SLC6A16: variants seen among roughly 807,000 people sequenced by gnomAD.
SLC6A16 encodes the protein solute carrier family 6 member 16, also known as orphan sodium- and chloride-dependent neurotransmitter transporter NTT5.
A neutral mutation model predicts 65.4 loss-of-function variants in SLC6A16; 54 were observed. The ratio of observed to expected loss-of-function variants is 0.83; its 90% confidence interval spans 0.66 to 1.04. The LOEUF (loss-of-function observed/expected upper bound fraction) is 1.04, where lower values mean the gene tolerates loss of function less well. Among genes scored for constraint, SLC6A16 ranks in the 50% least tolerant of loss-of-function variants. The pLI, the probability that SLC6A16 is intolerant of heterozygous loss-of-function variation, is 0.00. For synonymous variants in SLC6A16, 330 were observed against 346.5 expected, an observed-to-expected ratio of 0.95 and a Z score of 0.53; for missense variants, 816 against 914.0, an observed-to-expected ratio of 0.89 and a Z score of 1.38.
chr19:49,339,747 C>G, the SLC6A16 span: 2 of 1,385,660 alleles, frequency 1.4e-6, no homozygotes, highest in Non-Finnish European at 1.9e-6. The surrounding 1 kb of genome is among the most constrained non-coding windows in gnomAD (Gnocchi z 4.5). Context: ...GGGATTCGAG[C>G]CCCGGGCCCA....
At chr19:49,336,156 T>G in the SLC6A16 span, 1 of 281,572 alleles carries the variant, frequency 3.6e-6, no homozygotes. Flanking sequence ...AATAATGAAG[T>G]ATGACCCTAA....
chr19:49,340,118 T>A, the SLC6A16 span: 4 of 1,538,780 alleles, frequency 2.6e-6, no homozygotes, highest in Admixed American at 7.4e-5. Context: ...CGCCCTTTTC[T>A]ACCTATCCCC....
Position 49,311,336 on chromosome 19 carries a change from C to G in SLC6A16, c.12G>C (p.Glu4Asp). 1 of 1,583,108 alleles carries G rather than the reference C, an allele frequency of 6.3e-7. No individual in the cohort carries two copies. Among genetic ancestry groups the G allele is most frequent in the Non-Finnish European group, 8.6e-7 (1 of 1,165,028 alleles). Residue 4 changes from glutamate (E) to aspartate (D), a missense_variant, in exon 2 of 12, where the codon GAG (glutamate) becomes GAC (aspartate). By Grantham distance (45) the Glu-to-Asp change is conservative. Transcript: ENST00000335875. ...CCAGCAAGGATGTCGAAGGCTGGGC[C>G]TCTGTCTTCATCTCACACAGACTCT... MKTEAQPSTSLLAN... is the reference protein window; with the variant it reads MKTDAQPSTSLLAN...
At chr19:49,339,714 C>A in the SLC6A16 span, 4 of 1,400,688 alleles carry the variant, frequency 2.9e-6, no homozygotes, top group Non-Finnish European at 3.7e-6. This position sits in a 1 kb window ranked among gnomAD's most constrained non-coding sequence, Gnocchi z 4.5. Flanking sequence ...GCCGGAAATG[C>A]GAGCCGCACG....
At chr19:49,339,923 G>A in the SLC6A16 span, 3 of 1,366,764 alleles carry the variant, frequency 2.2e-6, no homozygotes, top group African/African-American at 4.4e-5. The surrounding 1 kb of genome is among the most constrained non-coding windows in gnomAD (Gnocchi z 4.5). Flanking sequence ...CCTGACACTG[G>A]AAGTGCGGGC....
At chr19:49,318,054 G>C (rs1970644985) in intron 1 of SLC6A16, among the ~76,000 whole-genome samples, 1 of 152,104 alleles carries the variant, frequency 6.6e-6, no homozygotes, top group Non-Finnish European at 1.5e-5. Flanking sequence ...GCTGGGCTAA[G>C]TACTCAACAG....
intron 1 of SLC6A16, among the ~76,000 whole-genome samples, chr19:49,324,345 A>ATAAC (rs1970764469): frequency 6.6e-6 from 1 of 152,220 alleles, no homozygotes; most frequent in African/African-American, 2.4e-5. Flanking sequence ...AAATAAATAA[A>ATAAC]TAAAAAATAA....
chr19:49,301,022 G>T (rs897476715), intron 7 of SLC6A16, among the ~76,000 whole-genome samples: 4 of 152,132 alleles, frequency 2.6e-5, no homozygotes, highest in African/African-American at 9.7e-5. Flanking sequence ...CTGCACTCCA[G>T]CCTGGAAGTC....
intron 2 of SLC6A16, 24 bp from the exon 3 acceptor site, chr19:49,310,534 C>T (rs1477806528): frequency 1.2e-6 from 2 of 1,613,556 alleles, no homozygotes; most frequent in Admixed American, 3.3e-5. Context: ...TCAGAAGGGA[C>T]TCTGAGAACC....
intron 7 of SLC6A16, among the ~76,000 whole-genome samples, chr19:49,307,729 A>AAAAAAAG (rs1970422604): frequency 2.1e-5 from 3 of 143,830 alleles, no homozygotes; most frequent in Non-Finnish European, 1.5e-5. Flanking sequence ...GGAAGCAAAA[A>AAAAAAAG]AAAAGAAAAA....
chr19:49,297,671 A>G (rs936052718), intron 7 of SLC6A16, among the ~76,000 whole-genome samples: 2 of 152,192 alleles, frequency 1.3e-5, no homozygotes. Context: ...AGACAGCCCT[A>G]AACTGGAAAC....
chr19:49,337,853 G>A, the SLC6A16 span: 2 of 1,606,464 alleles, frequency 1.2e-6, no homozygotes, highest in Non-Finnish European at 1.7e-6. Context: ...GCCCGCCTGA[G>A]GCTGGCACAG....
At position 49,310,155 on chromosome 19, in the gene SLC6A16, G is replaced by A. The variant is rs1161780321; in HGVS notation, c.585C>T (p.Ile195=). 2 of 1,614,122 alleles carry A rather than the reference G, an allele frequency of 1.2e-6. No homozygotes were observed. Among genetic ancestry groups the A allele is most frequent in the Non-Finnish European group, 1.7e-6 (2 of 1,180,000 alleles). ...VGYSSFMVCF[I]LGLYFNVVNS... is the part of the protein sequence containing the mutation. ...TGACCACATTGAAGTACAGGCCGAG[G>A]ATGAAGCACACCTGGGGGCCAAGGA... The change falls in exon 4 of 12, where the codon ATC becomes ATT. Residue 195 remains isoleucine (I), a synonymous_variant. Coordinates refer to ENST00000335875, the MANE Select transcript of SLC6A16 (RefSeq NM_014037.3).
At chr19:49,313,231 C>G (rs2146144540) in intron 1 of SLC6A16, among the ~76,000 whole-genome samples, 1 of 152,228 alleles carries the variant, frequency 6.6e-6, no homozygotes, top group East Asian at 1.9e-4. Flanking sequence ...GCATGATCCA[C>G]AGTTCACTGC....
chr19:49,317,081 C>T lies in SLC6A16; in HGVS notation c.-64-5670G>A, dbSNP rs149499979. ...TAGGCCAGGTGCAGTGGTTCATGCCCGTAATCCCAGCACTTTGAGAAGCCA... is the reference window on the plus strand; with the variant it reads ...TAGGCCAGGTGCAGTGGTTCATGCCTGTAATCCCAGCACTTTGAGAAGCCA... On this transcript the variant is annotated intron_variant, in intron 1 of 11. Transcript: ENST00000335875. Among the ~76,000 whole-genome samples the T allele has an allele frequency of 6.2e-5, 9 of 145,914 alleles. No homozygotes were observed. The East Asian group carries it at 1.5e-3, about 24-fold the overall frequency.
chr19:49,307,051 C>CTT lies in SLC6A16; in HGVS notation c.1229+1823_1229+1824dup, dbSNP rs1197711801. ...GTTACACAGTGCATTGTTTTATACACTTTTTTTTTTTTTTTGTTAGAGGAA... is the reference window on the plus strand; with the variant it reads ...GTTACACAGTGCATTGTTTTATACACTTTTTTTTTTTTTTTTTGTTAGAGGAA... On this transcript the variant is annotated intron_variant, in intron 7 of 11. Coordinates refer to ENST00000335875, the MANE Select transcript of SLC6A16 (RefSeq NM_014037.3). Among the ~76,000 whole-genome samples the CTT allele has an allele frequency of 3.3e-4, 20 of 61,028 alleles. 1 individual carries two copies. Among genetic ancestry groups the CTT allele is most frequent in the African/African-American group, 9.5e-4 (11 of 11,560 alleles). 40.0% of individuals were successfully genotyped at this position (61,028 alleles called of 152,430 possible). A position where few individuals can be genotyped will look rare whatever the true frequency, so the allele number is the denominator to read the frequency against.
intron 7 of SLC6A16, among the ~76,000 whole-genome samples, chr19:49,296,352 A>G (rs1032658631): frequency 4.6e-5 from 7 of 152,228 alleles, no homozygotes; most frequent in Non-Finnish European, 8.8e-5. Context: ...GATTTTGGAA[A>G]AAAAATAGCA....
chr19:49,331,851 A>G, the SLC6A16 span: 7 of 456,438 alleles, frequency 1.5e-5, no homozygotes, highest in African/African-American at 6.0e-5. Flanking sequence ...GAAGAAACCA[A>G]GTTGGTGAGC....
the SLC6A16 span, among the ~76,000 whole-genome samples, chr19:49,333,078 C>T: frequency 1.4e-3 from 206 of 152,140 alleles, 1 homozygote; most frequent in African/African-American, 4.7e-3. Context: ...AGGAGAATTG[C>T]TTGAACGCAG....
Sources: allele counts gnomAD v4.1 joint callset (sites outside exome capture counted in the v4.1 genomes callset), GRCh38; gene constraint gnomAD v4.1.1; non-coding constraint Gnocchi (gnomAD v3.1); transcripts MANE v1.5; gene names NCBI Gene and HGNC (gene_info 2026-07-23, HGNC 2026-07-21).